The following PIERCE2 variants were observed in gnomAD, a reference collection of about 807,000 sequenced individuals.
PIERCE2 encodes piercer of microtubule wall 2 protein.
chr15:55,408,676 T>C, the PIERCE2 span: 2 of 793,576 alleles, frequency 2.5e-6, no homozygotes, highest in South Asian at 1.6e-5. Flanking sequence ...TGGGTGCGGT[T>C]AAAAGGCCAC....
the PIERCE2 span, among the ~76,000 whole-genome samples, chr15:55,409,619 A>G: frequency 2.0e-4 from 30 of 152,240 alleles, 1 homozygote; most frequent in East Asian, 5.8e-3. Context: ...TTGCTTTTCT[A>G]TTAACTATAT....
At chr15:55,413,109 A>G in the PIERCE2 span, among the ~76,000 whole-genome samples, 1 of 152,178 alleles carries the variant, frequency 6.6e-6, no homozygotes, top group Non-Finnish European at 1.5e-5. Flanking sequence ...TCTACTAAAA[A>G]TACAAAAAAT....
chr15:55,408,574 GT>G, the PIERCE2 span: 9 of 407,564 alleles, frequency 2.2e-5, no homozygotes, highest in Non-Finnish European at 3.9e-5. Context: ...AGAATTCGTG[GT>G]TTCACCCGGG....
the PIERCE2 span, among the ~76,000 whole-genome samples, chr15:55,413,316 GT>G: frequency 6.6e-6 from 1 of 151,834 alleles, no homozygotes; most frequent in Non-Finnish European, 1.5e-5. Context: ...TGGTGTGCAT[GT>G]AGTCCTAGCT....
the PIERCE2 span, among the ~76,000 whole-genome samples, chr15:55,410,313 C>G: frequency 2.0e-5 from 3 of 152,210 alleles, no homozygotes; most frequent in African/African-American, 7.2e-5. Flanking sequence ...AATTCTAGAA[C>G]CAGTAGTAAA....
At chr15:55,416,672 C>G in the PIERCE2 span, among the ~76,000 whole-genome samples, 1 of 151,922 alleles carries the variant, frequency 6.6e-6, no homozygotes, top group Non-Finnish European at 1.5e-5. Context: ...CAAATTTGCT[C>G]CATAGGCTGG....
chr15:55,418,520 C>G, the PIERCE2 span: 1 of 1,522,510 alleles, frequency 6.6e-7, no homozygotes, highest in East Asian at 2.4e-5. Context: ...AAATACTGCA[C>G]CTGACAGAAC....
the PIERCE2 span, chr15:55,418,324 G>A: frequency 1.1e-5 from 17 of 1,543,818 alleles, no homozygotes; most frequent in Non-Finnish European, 1.5e-5. Flanking sequence ...CATGTATGTT[G>A]GATCCAAAGA....
chr15:55,409,433 C>T, the PIERCE2 span, among the ~76,000 whole-genome samples: 1 of 151,976 alleles, frequency 6.6e-6, no homozygotes, highest in African/African-American at 2.4e-5. Flanking sequence ...CATTTATATT[C>T]ACTCTTTACA....
the PIERCE2 span, chr15:55,410,479 A>C: frequency 1.3e-5 from 2 of 152,148 alleles, no homozygotes; most frequent in Non-Finnish European, 2.9e-5. Flanking sequence ...GAGAAACACT[A>C]TCTCTACTAA....
At chr15:55,418,194 G>C in the PIERCE2 span, 1 of 1,565,258 alleles carries the variant, frequency 6.4e-7, no homozygotes, top group Non-Finnish European at 8.6e-7. Flanking sequence ...CTTTATAATG[G>C]AGAATGATTT....
the PIERCE2 span, among the ~76,000 whole-genome samples, chr15:55,411,906 A>G: frequency 6.7e-6 from 1 of 149,942 alleles, no homozygotes; most frequent in Non-Finnish European, 1.5e-5. Context: ...GGGCAACAAG[A>G]GCAAAACTCC....
the PIERCE2 span, among the ~76,000 whole-genome samples, chr15:55,416,132 G>A: frequency 6.6e-6 from 1 of 151,626 alleles, no homozygotes; most frequent in Admixed American, 6.6e-5. Flanking sequence ...AGAGTCTTTT[G>A]CTCTGTCACC....
chr15:55,415,456 CAA>C, the PIERCE2 span, among the ~76,000 whole-genome samples: 46 of 82,736 alleles, frequency 5.6e-4, no homozygotes, highest in African/African-American at 7.7e-4. Flanking sequence ...AACTTCGTCT[CAA>C]AAAAAAAAAA....
chr15:55,416,863 A>G, the PIERCE2 span, among the ~76,000 whole-genome samples: 1 of 152,128 alleles, frequency 6.6e-6, no homozygotes, highest in East Asian at 1.9e-4. Context: ...TGGGAGGCTG[A>G]GGCAGGAGAA....
At chr15:55,414,905 G>C in the PIERCE2 span, among the ~76,000 whole-genome samples, 1 of 151,958 alleles carries the variant, frequency 6.6e-6, no homozygotes, top group Admixed American at 6.6e-5. Flanking sequence ...AACATTGATT[G>C]TTCATCTATT....
the PIERCE2 span, among the ~76,000 whole-genome samples, chr15:55,413,416 T>C: frequency 1.3e-5 from 2 of 151,986 alleles, no homozygotes; most frequent in Non-Finnish European, 2.9e-5. Flanking sequence ...AGAGAAAAAC[T>C]TTCTCCCTTC....
the PIERCE2 span, chr15:55,418,530 C>G: frequency 4.0e-6 from 6 of 1,512,806 alleles, no homozygotes; most frequent in Non-Finnish European, 5.3e-6. Flanking sequence ...CCTGACAGAA[C>G]CAGAACTCTT....
chr15:55,418,056 G>A, the PIERCE2 span: 7 of 1,410,200 alleles, frequency 5.0e-6, no homozygotes, highest in South Asian at 7.8e-5. Flanking sequence ...GGATGTATAC[G>A]TGCAGGTCAC....
Sources: allele counts gnomAD v4.1 joint callset (sites outside exome capture counted in the v4.1 genomes callset), GRCh38; gene constraint gnomAD v4.1.1; transcripts MANE v1.5; gene names NCBI Gene and HGNC (gene_info 2026-07-23, HGNC 2026-07-21).